The following KCNT1 variants were observed in gnomAD, a reference collection of about 807,000 sequenced individuals.
KCNT1 encodes the protein potassium sodium-activated channel subfamily T member 1.
KCNT1 carries 78 observed loss-of-function variants against 147.8 expected under a neutral mutation model. The observed-to-expected ratio is 0.53, with a 90% CI of 0.44 to 0.64. The LOEUF (loss-of-function observed/expected upper bound fraction) is 0.64. Among genes scored for constraint, KCNT1 ranks in the 30% least tolerant of loss-of-function variants. The pLI, the probability that KCNT1 is intolerant of heterozygous loss-of-function variation, is 0.00. For synonymous variants in KCNT1, 867 were observed against 748.8 expected, an observed-to-expected ratio of 1.16 and a Z score of -2.58; for missense variants, 1,419 against 1,750.3, an observed-to-expected ratio of 0.81 and a Z score of 3.38.
intron 25 of KCNT1, among the ~76,000 whole-genome samples, 193 bp from the exon 26 acceptor site, chr9:135,784,342 C>A (rs1833847463): frequency 6.6e-6 from 1 of 152,166 alleles, no homozygotes; most frequent in African/African-American, 2.4e-5. Flanking sequence ...TAGAAAAGGC[C>A]TCCCAGAACT....
At chr9:135,765,955 G>A (rs773861499) in intron 13 of KCNT1, among the ~76,000 whole-genome samples, 195 bp downstream of exon 13, 15 of 151,566 alleles carry the variant, frequency 9.9e-5, no homozygotes, top group Non-Finnish European at 1.6e-4. Flanking sequence ...AGGGTGGATC[G>A]TCTGGGGTGG....
chr9:135,718,381 C>T (rs1835799712), intron 2 of KCNT1, among the ~76,000 whole-genome samples: 3 of 152,174 alleles, frequency 2.0e-5, no homozygotes, highest in South Asian at 4.1e-4. Flanking sequence ...GCAAGACCTG[C>T]CTGCCGGCTC....
Position 135,770,933 on chromosome 9 carries a change from C to A in KCNT1, c.1846C>A (p.Leu616Met). The A allele has an allele frequency of 6.2e-7, 1 of 1,612,938 alleles. No individual in the cohort carries two copies. The highest frequency in any genetic ancestry group is 8.5e-7 in the Non-Finnish European group (1 of 1,179,510). Reference protein sequence around the residue: ...ILLNPGPRHILAASDTCFYIN... With the variant: ...ILLNPGPRHIMAASDTCFYIN... The stretch of plus-strand genomic sequence containing the variant: ...GCTGAACCCGGGGCCCCGGCACATC[C>A]TGGCCGCCTCTGACACCTGCTTCTA... Residue 616 changes from leucine to methionine, a missense_variant, in exon 18 of 31, where the codon CTG becomes ATG. Coordinates refer to ENST00000371757, the MANE Select transcript of KCNT1 (RefSeq NM_020822.3).
At chr9:135,736,066 G>C (rs1295161320) in intron 2 of KCNT1, among the ~76,000 whole-genome samples, 1 of 152,250 alleles carries the variant, frequency 6.6e-6, no homozygotes, top group Non-Finnish European at 1.5e-5. Flanking sequence ...CACCATCCCG[G>C]AGTGCCCCCA....
In KCNT1 at chr9:135,714,747, T is replaced by G. The variant is rs777890219; in HGVS notation, c.254+27T>G. The stretch of plus-strand genomic sequence containing the variant: ...TAGGGACCGGGCGCGGGGTGGGGGC[T>G]GGGGTCGCCGTCCCGGCGCCGCCGC... On this transcript the variant is annotated intron_variant, in intron 2 of 30. Transcript: ENST00000371757. This position sits in a 1 kb window ranked among gnomAD's most constrained non-coding sequence, Gnocchi z 6.2. The G allele has an allele frequency of 3.3e-6, 4 of 1,204,050 alleles. No homozygotes were observed. The highest frequency in any genetic ancestry group is 2.6e-4 in the Middle Eastern group (1 of 3,864). The allele number at this position is 1,204,050 out of a possible 1,614,324, so 74.6% of individuals were successfully genotyped here.
At chr9:135,779,918 G>A (rs1034439737) in intron 24 of KCNT1, among the ~76,000 whole-genome samples, 77 of 152,356 alleles carry the variant, frequency 5.1e-4, no homozygotes, top group African/African-American at 1.8e-3. Flanking sequence ...CACTACGCCC[G>A]ACCTTGAAAC....
intron 2 of KCNT1, among the ~76,000 whole-genome samples, chr9:135,746,039 G>A (rs1047687178): frequency 2.0e-5 from 3 of 152,384 alleles, no homozygotes; most frequent in South Asian, 2.1e-4. Context: ...TGCGTGACTC[G>A]TGAAGACAGA....
rs1399231853 is a variant in KCNT1, at chr9:135,714,717, A to G, written c.251A>G (p.Asp84Gly). 3.6e-6 allele frequency: 5 copies of G among 1,408,426 alleles called. No individual in the cohort carries two copies. The highest frequency in any genetic ancestry group is 4.7e-6 in the Non-Finnish European group (5 of 1,066,904). 87.2% of individuals were successfully genotyped at this position (1,408,426 alleles called of 1,614,324 possible). ...GGCGACCCGTCCTTCCAGAACGACG[A>G]CAGGTAGGGACCGGGCGCGGGGTGG... is the stretch of plus-strand genomic sequence containing the variant. Reference protein sequence around the residue: ...LLGDPSFQNDDRVQVEFYVNE... With the variant: ...LLGDPSFQNDGRVQVEFYVNE... The change falls in exon 2 of 31, where the codon GAC (aspartate) becomes GGC (glycine). Residue 84 changes from aspartate to glycine, a missense_variant. Coordinates refer to ENST00000371757, the MANE Select transcript of KCNT1 (RefSeq NM_020822.3). The surrounding 1 kb of genome is among the most constrained non-coding windows in gnomAD (Gnocchi z 6.2).
rs1490280605 is a variant in KCNT1, at chr9:135,791,813, C to T, written c.3519C>T (p.His1173=). The T allele has an allele frequency of 4.3e-6, 7 of 1,613,880 alleles. No individual in the cohort carries two copies. In the South Asian group the frequency reaches 5.5e-5, roughly 13 times the overall value. ...CCTTTGCAGACGAGATGAACGACCACCAGAACACCCTCTCCTACGTCCTCA... is the reference window on the plus strand; with the variant it reads ...CCTTTGCAGACGAGATGAACGACCATCAGAACACCCTCTCCTACGTCCTCA... ...PTTGYDEMND[H]QNTLSYVLIN... The change falls in exon 30 of 31, where the codon CAC becomes CAT. Residue 1173 remains histidine, a synonymous_variant. Coordinates refer to ENST00000371757, the MANE Select transcript of KCNT1 (RefSeq NM_020822.3).
chr9:135,768,552 C>T, intron 13 of KCNT1, 58 bp from the exon 14 acceptor site: 1 of 1,432,924 alleles, frequency 7.0e-7, no homozygotes, highest in South Asian at 1.2e-5. Context: ...CTCCGCACCC[C>T]CGGCTGCACT....
At position 135,785,347 on chromosome 9, in the gene KCNT1, T is replaced by G; in HGVS notation, c.3177+17T>G. 1.2e-6 allele frequency: 2 copies of G among 1,612,954 alleles called. No homozygotes were observed. Among genetic ancestry groups the G allele is most frequent in the Non-Finnish European group, 1.7e-6 (2 of 1,179,938 alleles). On this transcript the variant is annotated intron_variant, in intron 28 of 30. Coordinates refer to ENST00000371757, the MANE Select transcript of KCNT1 (RefSeq NM_020822.3). ...AGAGCCCAGGTAAGCAACCCCTCCGTGCCCACGCAGCTTCTGCGGAGCACC... is the reference window on the plus strand; with the variant it reads ...AGAGCCCAGGTAAGCAACCCCTCCGGGCCCACGCAGCTTCTGCGGAGCACC...
In KCNT1 at chr9:135,786,330, TGCTACGGC is replaced by T; in HGVS notation, c.3314_3321del (p.Leu1105GlnfsTer38). On this transcript the variant is annotated frameshift_variant, in exon 29 of 31. Coordinates refer to ENST00000371757, the MANE Select transcript of KCNT1 (RefSeq NM_020822.3). LOFTEE classifies it high-confidence loss of function. ...GGCGGTGACCCCGCAGAGCACCCAC[TGCTACGGC>T]GCAAGAGCCTGCAGTGGGCCCGGAG... 1 of 1,596,462 alleles carries T rather than the reference TGCTACGGC, an allele frequency of 6.3e-7. No homozygotes were observed. Among genetic ancestry groups the T allele is most frequent in the Non-Finnish European group, 8.5e-7 (1 of 1,172,994 alleles).
intron 2 of KCNT1, among the ~76,000 whole-genome samples, chr9:135,720,868 C>T (rs973352502): frequency 1.2e-4 from 19 of 152,238 alleles, no homozygotes; most frequent in African/African-American, 4.6e-4. Context: ...CACCACCCTG[C>T]TCCTGCCTTA....
At chr9:135,708,397 G>A (rs1300294641) in intron 1 of KCNT1, among the ~76,000 whole-genome samples, 2 of 152,168 alleles carry the variant, frequency 1.3e-5, no homozygotes, top group Non-Finnish European at 2.9e-5. Context: ...ATGCATGTGC[G>A]TATTTACGTG....
At chr9:135,763,127 G>A (rs550601626) in intron 11 of KCNT1, among the ~76,000 whole-genome samples, 3 of 152,340 alleles carry the variant, frequency 2.0e-5, no homozygotes, top group South Asian at 2.1e-4. Flanking sequence ...CAGCCCTGCC[G>A]GACCTGGTGC....
At chr9:135,741,102 C>G (rs1272214645) in intron 2 of KCNT1, among the ~76,000 whole-genome samples, 1 of 152,210 alleles carries the variant, frequency 6.6e-6, no homozygotes. Flanking sequence ...GTGGCCCCTT[C>G]CAAAATCAGT....
At position 135,750,953 on chromosome 9, in the gene KCNT1, C is replaced by T. The variant is rs1588309625; in HGVS notation, c.346C>T (p.Arg116Trp). Reference sequence around the variant, plus strand: ...TGCCCTCCCCGCAGGCCTGAGGATCCGGCTGTTCAACTTCTCCCTGAAGCT... The same window carrying T: ...TGCCCTCCCCGCAGGCCTGAGGATCTGGCTGTTCAACTTCTCCCTGAAGCT... Reference protein sequence around the residue: ...IKNQRSSLRIRLFNFSLKLLT... With the variant: ...IKNQRSSLRIWLFNFSLKLLT... The change falls in exon 4 of 31, where the codon CGG becomes TGG. Residue 116 changes from arginine to tryptophan, a missense_variant. Arg to Trp is a moderately radical substitution (Grantham distance 101). This residue lies in a region of KCNT1 where 401 missense variants were observed against 610.6 expected (regional missense o/e 0.66). Coordinates refer to ENST00000371757, the MANE Select transcript of KCNT1 (RefSeq NM_020822.3). The T allele has an allele frequency of 3.1e-6, 5 of 1,612,986 alleles. No homozygotes were observed. Among genetic ancestry groups the T allele is most frequent in the Admixed American group, 1.7e-5 (1 of 59,996 alleles).
intron 1 of KCNT1, among the ~76,000 whole-genome samples, chr9:135,706,868 A>G (rs1187668515): frequency 6.6e-6 from 1 of 152,156 alleles, no homozygotes; most frequent in Non-Finnish European, 1.5e-5. Flanking sequence ...GCATGATGGC[A>G]GCTCAGGGTA....
chr9:135,769,151 ACGTGGGTGACG>A, intron 15 of KCNT1, among the ~76,000 whole-genome samples: 1 of 99,260 alleles, frequency 1.0e-5, no homozygotes, highest in East Asian at 2.3e-4. Context: ...GCATGTGCAC[ACGTGGGTGACG>A]GTGCGTCTGG....
Sources: allele counts gnomAD v4.1 joint callset (sites outside exome capture counted in the v4.1 genomes callset), GRCh38; gene constraint gnomAD v4.1.1; regional missense constraint gnomAD v4.1.1; non-coding constraint Gnocchi (gnomAD v3.1); transcripts MANE v1.5; gene names NCBI Gene and HGNC (gene_info 2026-07-23, HGNC 2026-07-21).